The following SZT2 variants were observed in gnomAD, a reference collection of about 807,000 sequenced individuals.
SZT2 encodes KICSTOR complex protein SZT2.
In SZT2, 216 loss-of-function variants were observed where a neutral mutation model predicts 404.2. The ratio of observed to expected loss-of-function variants is 0.53; its 90% CI spans 0.48 to 0.60. SZT2 has a LOEUF of 0.60. Among genes scored for constraint, SZT2 ranks in the 20% least tolerant of loss-of-function variants. The probability of loss-of-function intolerance (pLI) is 0.00; values close to 1 mark genes in which losing one functional copy is unlikely to be tolerated. For missense variants in SZT2, 3,857 were observed against 4,459.2 expected (o/e 0.86, Z 3.85); for synonymous variants, 1,693 against 1,749.9 (o/e 0.97, Z 0.81).
chr1:43,441,883 G>A lies in SZT2; in HGVS notation c.7742+65G>A. The A allele has an allele frequency of 4.4e-6, 7 of 1,601,894 alleles. No individual in the cohort carries two copies. The highest frequency in any genetic ancestry group is 2.2e-5 in the East Asian group (1 of 44,610). On this transcript the variant is annotated intron_variant, in intron 55 of 71. Coordinates refer to ENST00000634258, the MANE Select transcript of SZT2 (RefSeq NM_001365999.1). This position sits in a 1 kb window ranked among gnomAD's most constrained non-coding sequence, Gnocchi z 4.8. ...GACTTCCTAAAAGCTGGGCCTACAGGAAGCCAAACCTGAGGAAGCTGAGCT... is the reference window on the plus strand; with the variant it reads ...GACTTCCTAAAAGCTGGGCCTACAGAAAGCCAAACCTGAGGAAGCTGAGCT...
In SZT2 at chr1:43,452,138, CTG is replaced by C; in HGVS notation, c.*1661_*1662del. ...CTGGCAGCCTCACGTGCTGTCCCCA[CTG>C]TGCACCCCCTTCTCCGCACACCCAC... On this transcript the variant is annotated 3_prime_UTR_variant, in exon 72 of 72. Coordinates refer to ENST00000634258, the MANE Select transcript of SZT2 (RefSeq NM_001365999.1). The C allele has an allele frequency of 6.7e-7, 1 of 1,501,464 alleles. No homozygotes were observed. The highest frequency in any genetic ancestry group is 1.4e-5 in the African/African-American group (1 of 72,650). The allele number at this position is 1,501,464 out of a possible 1,614,324, so 93.0% of individuals were successfully genotyped here.
Position 43,450,207 on chromosome 1 carries a change from G to C in SZT2, c.10155+36G>C. Reference sequence around the variant, plus strand: ...GTGGGGGGCTTTGTGTCAGCCTCATGGGAGGCCGTACCCCAAATGCTCCAC... The same window carrying C: ...GTGGGGGGCTTTGTGTCAGCCTCATCGGAGGCCGTACCCCAAATGCTCCAC... On this transcript the variant is annotated intron_variant, in intron 71 of 71. Coordinates refer to ENST00000634258, the MANE Select transcript of SZT2 (RefSeq NM_001365999.1). This position sits in a 1 kb window ranked among gnomAD's most constrained non-coding sequence, Gnocchi z 4.3. The C allele has an allele frequency of 6.2e-7, 1 of 1,613,960 alleles. No homozygotes were observed. Among genetic ancestry groups the C allele is most frequent in the Non-Finnish European group, 8.5e-7 (1 of 1,179,854 alleles).
chr1:43,390,040 G>T, intron 1 of SZT2, 45 bp downstream of exon 1: 1 of 1,374,730 alleles, frequency 7.3e-7, no homozygotes, highest in Non-Finnish European at 9.4e-7. Flanking sequence ...GATCCGAGGG[G>T]GAGGGTCCGG....
At chr1:43,410,310 T>C (rs1650853489) in intron 4 of SZT2, 1 of 152,072 alleles carries the variant, frequency 6.6e-6, no homozygotes, top group South Asian at 2.1e-4. Flanking sequence ...CCCAACACTT[T>C]GGGAGGCCAA....
intron 42 of SZT2, 27 bp downstream of exon 42, chr1:43,435,356 C>T (rs1654351119): frequency 6.2e-7 from 1 of 1,612,880 alleles, no homozygotes; most frequent in Non-Finnish European, 8.5e-7. Context: ...GAGCCTCCCT[C>T]ACAAGGCAGT....
intron 33 of SZT2, 72 bp downstream of exon 33, chr1:43,431,162 A>C: frequency 6.3e-7 from 1 of 1,581,290 alleles, no homozygotes; most frequent in East Asian, 2.2e-5. Flanking sequence ...AATCTAGAGC[A>C]CTTGGGGACT....
Position 43,451,681 on chromosome 1 carries a change from T to G in SZT2, c.*1201T>G, listed in dbSNP as rs1366069515. 1.9e-6 allele frequency: 3 copies of G among 1,614,114 alleles called. No individual in the cohort carries two copies. In the South Asian group the frequency reaches 3.3e-5, roughly 18 times the overall value. On this transcript the variant is annotated 3_prime_UTR_variant, in exon 72 of 72. Transcript: ENST00000634258. The stretch of plus-strand genomic sequence containing the variant: ...GGCAGGAACTCCCGGATGTTTCCTG[T>G]CAGGTTCCCATCCATGATCTGCCAG...
In SZT2 at chr1:43,420,695, C is replaced by T; in HGVS notation, c.1262-54C>T. ...TGGGGGTTTCAGATAGAACTCGATC[C>T]CAGGCCTAGAGTCCTATGCCTTCTC... On this transcript the variant is annotated intron_variant, in intron 9 of 71. Transcript: ENST00000634258. This position sits in a 1 kb window ranked among gnomAD's most constrained non-coding sequence, Gnocchi z 5.1. The T allele has an allele frequency of 6.6e-7, 1 of 1,520,618 alleles. No homozygotes were observed. The highest frequency in any genetic ancestry group is 9.0e-7 in the Non-Finnish European group (1 of 1,113,988). The allele number at this position is 1,520,618 out of a possible 1,614,324, so 94.2% of individuals were successfully genotyped here. A position where few individuals can be genotyped will look rare whatever the true frequency, so the allele number is the denominator to read the frequency against.
rs1286585165 is a variant in SZT2 at position 43,439,178 on chromosome 1, A to G, written c.6792+85A>G. The stretch of plus-strand genomic sequence containing the variant: ...CTTACTCTTTCCTACCGATACCCCT[A>G]TATGTACCTTTGCCCATGGACCTGG... On this transcript the variant is annotated intron_variant, in intron 48 of 71. Transcript: ENST00000634258. The surrounding 1 kb of genome is among the most constrained non-coding windows in gnomAD (Gnocchi z 4.2). 13 of 1,585,648 alleles carry G rather than the reference A, an allele frequency of 8.2e-6. No homozygotes were observed. In the Admixed American group the frequency reaches 1.3e-4, roughly 16 times the overall value.
chr1:43,415,029 T>C, intron 4 of SZT2, 53 bp from the exon 5 acceptor site: 1 of 1,573,910 alleles, frequency 6.4e-7, no homozygotes, highest in Non-Finnish European at 8.6e-7. Context: ...AGAAGTGTAG[T>C]GGTCTGTGCC....
Position 43,422,235 on chromosome 1 carries a change from C to G in SZT2, c.1769+10C>G, listed in dbSNP as rs748710410. ...TCCTGGAGCATGACACGTGGGTGCC[C>G]TTAGGGCTGGGCCATAGTTGGGGTG... On this transcript the variant is annotated intron_variant, in intron 12 of 71. Coordinates refer to ENST00000634258, the MANE Select transcript of SZT2 (RefSeq NM_001365999.1). 1 of 1,571,452 alleles carries G rather than the reference C, an allele frequency of 6.4e-7. No individual in the cohort carries two copies. Among genetic ancestry groups the G allele is most frequent in the Non-Finnish European group, 8.6e-7 (1 of 1,159,888 alleles).
rs781016229 is a variant in SZT2, at chr1:43,428,448, T to C, written c.4128T>C (p.Ala1376=). ...TCAGCAGCAGCATGGAGGAGGGTGC[T>C]GAACCTCGGGAACGAGCTATCCTAG... ...GPFSSSMEEG[A]EPRERAILAS... Residue 1376 remains alanine (A), a synonymous_variant, in exon 28 of 72, where the codon GCT becomes GCC. Transcript: ENST00000634258. 3 of 1,614,166 alleles carry C rather than the reference T, an allele frequency of 1.9e-6. No homozygotes were observed. The South Asian group carries it at 3.3e-5, about 18-fold the overall frequency.
intron 65 of SZT2, chr1:43,446,705 TC>T: frequency 1.6e-6 from 1 of 616,580 alleles, no homozygotes. Flanking sequence ...CCTGATGGAA[TC>T]TGGGATAGAG....
chr1:43,415,297 T>A, intron 5 of SZT2, 84 bp downstream of exon 5: 9 of 1,525,572 alleles, frequency 5.9e-6, no homozygotes, highest in Admixed American at 5.7e-5. Flanking sequence ...ATAGTCCAAA[T>A]AGGGCAAAAA....
At position 43,420,715 on chromosome 1, in the gene SZT2, C is replaced by G; in HGVS notation, c.1262-34C>G. ...CGATCCCAGGCCTAGAGTCCTATGC[C>G]TTCTCCTAACTGGCCCTTCCGCTTC... is the stretch of plus-strand genomic sequence containing the variant. On this transcript the variant is annotated intron_variant, in intron 9 of 71. Coordinates refer to ENST00000634258, the MANE Select transcript of SZT2 (RefSeq NM_001365999.1). The surrounding 1 kb of genome is among the most constrained non-coding windows in gnomAD (Gnocchi z 5.1). 1 of 1,587,766 alleles carries G rather than the reference C, an allele frequency of 6.3e-7. No homozygotes were observed. Among genetic ancestry groups the G allele is most frequent in the Non-Finnish European group, 8.5e-7 (1 of 1,170,722 alleles).
intron 12 of SZT2, 122 bp downstream of exon 12, chr1:43,422,347 C>G (rs1178447760): frequency 6.8e-7 from 1 of 1,480,852 alleles, no homozygotes; most frequent in African/African-American, 1.4e-5. Flanking sequence ...AAAACTATAG[C>G]CTTTTCCTTG....
intron 36 of SZT2, 131 bp downstream of exon 36, chr1:43,432,032 A>G (rs192044186): frequency 1.6e-6 from 2 of 1,233,940 alleles, no homozygotes; most frequent in South Asian, 1.4e-5. Flanking sequence ...TGCTCACCAC[A>G]TCATCTGCCC....
rs1036653663 is a variant in SZT2 at position 43,424,369 on chromosome 1, C to T, written c.2408C>T (p.Pro803Leu). 13 of 1,597,988 alleles carry T rather than the reference C, an allele frequency of 8.1e-6. No individual in the cohort carries two copies. In the Admixed American group the frequency reaches 1.3e-4, roughly 16 times the overall value. ...CATCAGCGCTGGCTTTGGAGTGTCC[C>T]GTCAGGACTGGCCCCTGCGCTGCCT... The part of the protein sequence containing the change: ...LYHQRWLWSV[P>L]SGLAPALPLS... The change falls in exon 16 of 72, where the codon CCG (proline) becomes CTG (leucine). Residue 803 changes from proline to leucine, a missense_variant. Pro to Leu is a moderately conservative substitution (Grantham distance 98, BLOSUM62 -3). Coordinates refer to ENST00000634258, the MANE Select transcript of SZT2 (RefSeq NM_001365999.1). This position sits in a 1 kb window ranked among gnomAD's most constrained non-coding sequence, Gnocchi z 4.1.
chr1:43,432,661 T>A, intron 38 of SZT2, 57 bp downstream of exon 38: 1 of 1,613,244 alleles, frequency 6.2e-7, no homozygotes, highest in South Asian at 1.1e-5. Context: ...TGACCATGCT[T>A]CCATTTTTGG....
Sources: gnomAD v4.1 joint callset for allele counts on GRCh38, gnomAD v4.1.1 for gene constraint, Gnocchi (gnomAD v3.1) non-coding constraint, MANE v1.5 for transcripts, NCBI Gene and HGNC (gene_info 2026-07-23, HGNC 2026-07-21) for gene names.